The following RHOBTB1 variants were observed in gnomAD, a reference collection of about 807,000 sequenced individuals.
The protein encoded by RHOBTB1 is Rho related BTB domain containing 1, also known as rho-related BTB domain-containing protein 1.
Under a neutral mutation model 71.6 loss-of-function variants are expected in RHOBTB1, and 40 were observed. That is an observed-to-expected ratio of 0.56 (90% confidence interval 0.43 to 0.73). RHOBTB1 has a LOEUF of 0.73. Ranked by LOEUF, RHOBTB1 falls within the 30% of genes least tolerant of loss-of-function variation. RHOBTB1 has a pLI of 0.00. For missense variants in RHOBTB1, 797 were observed against 894.0 expected, an observed-to-expected ratio of 0.89 and a Z score of 1.38; for synonymous variants, 319 against 334.9, an observed-to-expected ratio of 0.95 and a Z score of 0.52.
intron 5 of RHOBTB1, among the ~76,000 whole-genome samples, chr10:60,891,859 C>T (rs765621276): frequency 5.7e-4 from 87 of 152,140 alleles, no homozygotes; most frequent in Admixed American, 1.2e-3. Context: ...CCATGTGTCA[C>T]GGGAGGGACC....
chr10:60,888,626 A>G lies in RHOBTB1; in HGVS notation c.1042T>C (p.Ser348Pro). The G allele has an allele frequency of 1.2e-6, 2 of 1,614,108 alleles. No individual in the cohort carries two copies. Among genetic ancestry groups the G allele is most frequent in the South Asian group, 2.2e-5 (2 of 91,078 alleles). ...PRIPQADQWK[S>P]SNKSLVEALG... ...GCCTCCACCAGGCTCTTGTTTGAAG[A>G]CTTCCACTGGTCGGCCTGAGGAATC... The change falls in exon 6 of 11, where the codon TCT becomes CCT. Residue 348 changes from serine (S) to proline (P), a missense_variant. Ser to Pro is a moderately conservative substitution (Grantham distance 74). Around this residue, in one of 2 missense-constraint regions of RHOBTB1, gnomAD observed 658 missense variants for 681.5 expected, o/e 0.97. Transcript: ENST00000337910.
chr10:60,968,273 G>A (rs2086039503), intron 2 of RHOBTB1, among the ~76,000 whole-genome samples: 1 of 152,138 alleles, frequency 6.6e-6, no homozygotes, highest in Admixed American at 6.6e-5. Flanking sequence ...ATGGAAGGGT[G>A]GTAAGTGGGC....
At chr10:60,863,934 G>C in the RHOBTB1 span, among the ~76,000 whole-genome samples, 1 of 141,894 alleles carries the variant, frequency 7.0e-6, no homozygotes, top group Non-Finnish European at 1.5e-5. Context: ...AGGACTCCTC[G>C]TATGCTGCTG....
At chr10:60,913,267 G>T (rs1400416774) in intron 2 of RHOBTB1, among the ~76,000 whole-genome samples, 1 of 152,296 alleles carries the variant, frequency 6.6e-6, no homozygotes, top group East Asian at 1.9e-4. Context: ...GATTTGGCAG[G>T]AATGGAGTAG....
chr10:60,938,004 G>A (rs908187252), intron 2 of RHOBTB1, among the ~76,000 whole-genome samples: 11 of 152,136 alleles, frequency 7.2e-5, no homozygotes, highest in African/African-American at 1.9e-4. Context: ...ATATTTCACC[G>A]AAGTTGCATA....
At chr10:61,001,367 C>T (rs2087264437) in intron 1 of RHOBTB1, 1 of 151,764 alleles carries the variant, frequency 6.6e-6, no homozygotes, top group African/African-American at 2.4e-5. Flanking sequence ...GGCGCGCTCC[C>T]GCCCCGCCAC....
At chr10:60,861,447 A>G in the RHOBTB1 span, among the ~76,000 whole-genome samples, 1 of 152,176 alleles carries the variant, frequency 6.6e-6, no homozygotes, top group African/African-American at 2.4e-5. Flanking sequence ...GGTTTGTTTT[A>G]GGAGAAATGA....
At chr10:60,941,705 A>T (rs943327790) in intron 2 of RHOBTB1, 99 bp downstream of exon 2, 2 of 152,386 alleles carry the variant, frequency 1.3e-5, no homozygotes, top group Non-Finnish European at 2.9e-5. Context: ...AAAATTTTTA[A>T]AAGACAAATG....
At chr10:60,915,945 G>A (rs1398509627) in intron 2 of RHOBTB1, among the ~76,000 whole-genome samples, 1 of 152,048 alleles carries the variant, frequency 6.6e-6, no homozygotes, top group East Asian at 1.9e-4. Context: ...TTTTGGACAC[G>A]TGCTGGATAT....
chr10:60,927,548 GA>G (rs1050168031), intron 2 of RHOBTB1, among the ~76,000 whole-genome samples: 127 of 152,080 alleles, frequency 8.4e-4, no homozygotes, highest in African/African-American at 2.7e-3. Flanking sequence ...AGAGAACCCA[GA>G]AAAAAATTCC....
intron 2 of RHOBTB1, among the ~76,000 whole-genome samples, chr10:60,913,525 G>A (rs1056546451): frequency 6.6e-6 from 1 of 152,194 alleles, no homozygotes; most frequent in African/African-American, 2.4e-5. Flanking sequence ...CCATCTAACA[G>A]TATAACATAG....
At chr10:60,942,922 G>T (rs377206200) in intron 1 of RHOBTB1, among the ~76,000 whole-genome samples, 76 of 152,234 alleles carry the variant, frequency 5.0e-4, no homozygotes, top group Middle Eastern at 3.4e-3. Context: ...GCGGTTGGGG[G>T]TGGGGGAGCC....
intron 4 of RHOBTB1, among the ~76,000 whole-genome samples, chr10:60,899,574 T>C (rs936106531): frequency 6.6e-6 from 1 of 152,210 alleles, no homozygotes. Flanking sequence ...CCAGCCTCCT[T>C]GGCAACTCTC....
intron 5 of RHOBTB1, among the ~76,000 whole-genome samples, chr10:60,891,114 T>A (rs1233817393): frequency 1.3e-5 from 2 of 152,122 alleles, no homozygotes; most frequent in East Asian, 3.9e-4. Flanking sequence ...AATATTCAAT[T>A]CCTAGTCCAT....
At chr10:60,872,798 A>C (rs1277250107) in intron 9 of RHOBTB1, among the ~76,000 whole-genome samples, 1 of 152,216 alleles carries the variant, frequency 6.6e-6, no homozygotes, top group African/African-American at 2.4e-5. Flanking sequence ...CGGTATGGGC[A>C]GGGTGGAGAG....
chr10:60,994,469 A>G (rs2086975493), intron 1 of RHOBTB1, among the ~76,000 whole-genome samples: 1 of 152,128 alleles, frequency 6.6e-6, no homozygotes, highest in African/African-American at 2.4e-5. Flanking sequence ...TATGGGAGAA[A>G]CAGGCTTGTG....
At chr10:60,884,797 T>C (rs1473810507) in intron 7 of RHOBTB1, among the ~76,000 whole-genome samples, 4 of 152,038 alleles carry the variant, frequency 2.6e-5, no homozygotes, top group African/African-American at 9.7e-5. Flanking sequence ...AACTCCAAAG[T>C]AGAGAGTAGA....
chr10:60,983,247 G>A (rs1297739941), intron 2 of RHOBTB1, among the ~76,000 whole-genome samples: 2 of 152,096 alleles, frequency 1.3e-5, no homozygotes, highest in East Asian at 3.9e-4. Flanking sequence ...TGCTTCCTTA[G>A]GGCTATTCCA....
At position 60,926,467 on chromosome 10, in the gene RHOBTB1, T is replaced by C. The variant is rs566335641; in HGVS notation, c.-10-14915A>G. ...GGCCAATATATCTAATACACATAGATGCAAAATTCCTCAATATAATGCTAG... is the reference window on the plus strand; with the variant it reads ...GGCCAATATATCTAATACACATAGACGCAAAATTCCTCAATATAATGCTAG... On this transcript the variant is annotated intron_variant, in intron 2 of 10. Transcript: ENST00000337910. Among the ~76,000 whole-genome samples the C allele has an allele frequency of 6.6e-5, 10 of 152,304 alleles. No homozygotes were observed. In the South Asian group the frequency reaches 2.1e-3, roughly 32 times the overall value.
Sources: gnomAD v4.1 joint callset for allele counts (sites outside exome capture counted in the v4.1 genomes callset) on GRCh38, gnomAD v4.1.1 for gene constraint, gnomAD v4.1.1 regional missense constraint, MANE v1.5 for transcripts, NCBI Gene and HGNC (gene_info 2026-07-23, HGNC 2026-07-21) for gene names.